Variants in WDR87 observed in about 807,000 individuals in gnomAD.
The protein encoded by WDR87 is WD repeat domain 87.
In WDR87, 56 loss-of-function variants were observed where a neutral mutation model predicts 83.3. That is an observed-to-expected ratio of 0.67 (90% confidence interval 0.54 to 0.84). The LOEUF (loss-of-function observed/expected upper bound fraction) is 0.84. WDR87 is among the 40% of genes least tolerant of loss of function. The pLI is 0.00. For synonymous variants in WDR87, 1,173 were observed against 1,250.6 expected (o/e 0.94, Z 1.31); for missense variants, 2,939 against 3,431.9 (o/e 0.86, Z 3.59).
rs754504059 is a variant in WDR87 at position 37,895,080 on chromosome 19, C to T, written c.623G>A (p.Gly208Asp). The stretch of plus-strand genomic sequence containing the variant: ...CGTCTCACACAGGGCCAGGAGGGAG[C>T]CACTGGGACCATTCAGCACGATGTC... ...VQDIVLNGPSGSLLALCETVV... is the reference protein window; with the variant it reads ...VQDIVLNGPSDSLLALCETVV... Residue 208 changes from glycine to aspartate, a missense_variant, in exon 4 of 6, where the codon GGC becomes GAC. Gly to Asp is a moderately conservative substitution (Grantham distance 94, BLOSUM62 -1). Around this residue, in one of 3 missense-constraint regions of WDR87, gnomAD observed 226 missense variants for 320.9 expected, o/e 0.70. Transcript: ENST00000447313. 1.9e-6 allele frequency: 3 copies of T among 1,551,738 alleles called. No homozygotes were observed. The highest frequency in any genetic ancestry group is 1.2e-5 in the South Asian group (1 of 84,064).
chr19:37,886,362 G>C lies in WDR87; in HGVS notation c.7309C>G (p.Leu2437Val). The change falls in exon 6 of 6, where the codon CTG (leucine) becomes GTG (valine). Residue 2437 changes from leucine (L) to valine (V), a missense_variant. By Grantham distance (32) the Leu-to-Val change is conservative (BLOSUM62 1). Around this residue, in one of 3 missense-constraint regions of WDR87, gnomAD observed 2,160 missense variants for 2,533.1 expected, o/e 0.85. Transcript: ENST00000447313. ...ACTGGTGTTTTCTCTTTCATCTCCA[G>C]AGCTGTTGACATCAGTTTCTTCAAA... ...SPLKKLMSTA[L>V]EMKEKTPVPV... 6.5e-7 allele frequency: 1 copy of C among 1,550,224 alleles called. No homozygotes were observed. Among genetic ancestry groups the C allele is most frequent in the East Asian group, 2.4e-5 (1 of 40,914 alleles).
chr19:37,890,207 C>A lies in WDR87; in HGVS notation c.3464G>T (p.Gly1155Val). Residue 1155 changes from glycine to valine, a missense_variant, in exon 6 of 6, where the codon GGC (glycine) becomes GTC (valine). Physicochemically the swap from Gly to Val is moderately radical, Grantham distance 109. Transcript: ENST00000447313. ...RDSKQMSTEP[G>V]LLEDESGTEA... is the part of the protein sequence containing the mutation. ...AGTCCCACTTTCATCCTCTAAGAGG[C>A]CTGGCTCTGTGCTCATCTGTTTAGA... 1 of 1,551,742 alleles carries A rather than the reference C, an allele frequency of 6.4e-7. No individual in the cohort carries two copies. Among genetic ancestry groups the A allele is most frequent in the Non-Finnish European group, 8.7e-7 (1 of 1,147,004 alleles).
chr19:37,906,686 G>A (rs539217198), upstream of WDR87: 1 of 151,004 alleles, frequency 6.6e-6, no homozygotes, highest in Admixed American at 6.6e-5. Flanking sequence ...GTGCGCATGG[G>A]CGCGCGCCCG....
In WDR87 at chr19:37,889,450, T is replaced by C. The variant is rs375024170; in HGVS notation, c.4221A>G (p.Lys1407=). The C allele has an allele frequency of 2.0e-4, 304 of 1,551,884 alleles. 2 individuals are homozygous for C. The South Asian group carries it at 3.4e-3, about 17-fold the overall frequency. ...LGLEETQVIL[K]KGKKVIFLEP... is the part of the protein sequence containing the mutation. ...CTAAAAAAATAACTTTCTTGCCCTT[T>C]TTCAAAATCACTTGGGTTTCCTCCA... Residue 1407 remains lysine, a synonymous_variant, in exon 6 of 6, where the codon AAA becomes AAG. Transcript: ENST00000447313.
rs1291279909 is a variant in WDR87 at position 37,891,652 on chromosome 19, A to C, written c.3294T>G (p.Leu1098=). The C allele has an allele frequency of 1.3e-6, 2 of 1,551,846 alleles. No individual in the cohort carries two copies. The highest frequency in any genetic ancestry group is 2.4e-5 in the South Asian group (2 of 84,058). ...CTGTAGGAGGTTTCAGGGAGGATTT[A>C]AGTTCAGAAGGCATTGAGACATCTA... The part of the protein sequence containing the change: ...FSLDVSMPSE[L]KSSLKPPTVS... Residue 1098 remains leucine, a synonymous_variant, in exon 5 of 6, where the codon CTT becomes CTG. Coordinates refer to ENST00000447313, the MANE Select transcript of WDR87 (RefSeq NM_001291088.2).
At chr19:37,904,048 G>A (rs1485463322) in intron 1 of WDR87, among the ~76,000 whole-genome samples, 9 of 150,886 alleles carry the variant, frequency 6.0e-5, no homozygotes, top group Admixed American at 5.3e-4. Context: ...AGCTACAGGC[G>A]CCCGCCACCA....
chr19:37,884,858 G>A lies in WDR87; in HGVS notation c.*74C>T. The stretch of plus-strand genomic sequence containing the variant: ...AAAAAAAAAAGAGAGAGAGAGAGAT[G>A]AAGGTCTAGATCCTGGTAATTAGGC... On this transcript the variant is annotated 3_prime_UTR_variant, in exon 6 of 6. Coordinates refer to ENST00000447313, the MANE Select transcript of WDR87 (RefSeq NM_001291088.2). 9.1e-6 allele frequency: 10 copies of A among 1,097,182 alleles called. No individual in the cohort carries two copies. Among genetic ancestry groups the A allele is most frequent in the Non-Finnish European group, 1.2e-5 (10 of 848,362 alleles). 68.0% of individuals were successfully genotyped at this position (1,097,182 alleles called of 1,614,324 possible). A position where few individuals can be genotyped will look rare whatever the true frequency, so the allele number is the denominator to read the frequency against.
rs1394432762 is a variant in WDR87 at position 37,888,376 on chromosome 19, T to C, written c.5295A>G (p.Glu1765=). The C allele has an allele frequency of 6.4e-7, 1 of 1,552,026 alleles. No homozygotes were observed. Among genetic ancestry groups the C allele is most frequent in the Non-Finnish European group, 8.7e-7 (1 of 1,147,084 alleles). The change falls in exon 6 of 6, where the codon GAA becomes GAG. Residue 1765 remains glutamate (E), a synonymous_variant. Transcript: ENST00000447313. ...QELEELEWDM[E]ELSWKEEELN... is the part of the protein sequence containing the mutation. Reference sequence around the variant, plus strand: ...GTTCCTCTTCTTTCCAAGACAGTTCTTCCATGTCCCATTCCAGTTCCTCCA... The same window carrying C: ...GTTCCTCTTCTTTCCAAGACAGTTCCTCCATGTCCCATTCCAGTTCCTCCA...
intron 1 of WDR87, among the ~76,000 whole-genome samples, chr19:37,904,258 G>T (rs2046309928): frequency 6.6e-6 from 1 of 151,836 alleles, no homozygotes; most frequent in Non-Finnish European, 1.5e-5. Flanking sequence ...CTAAGGAGCA[G>T]GTAAGGGAAA....
chr19:37,904,337 GTCTT>G (rs928828249), intron 1 of WDR87, among the ~76,000 whole-genome samples: 1 of 150,322 alleles, frequency 6.7e-6, no homozygotes, highest in African/African-American at 2.4e-5. Flanking sequence ...CTCTGGTTGT[GTCTT>G]TCTTTTGTGT....
At chr19:37,897,481 A>G (rs2046265335) in intron 2 of WDR87, among the ~76,000 whole-genome samples, 1 of 151,942 alleles carries the variant, frequency 6.6e-6, no homozygotes, top group Non-Finnish European at 1.5e-5. Flanking sequence ...AAGTGCTGAC[A>G]TTACAGGCAT....
rs748640846 is a variant in WDR87 at position 37,898,221 on chromosome 19, T to G, written c.19A>C (p.Ile7Leu). ...AGTTTTAAATCTTTCCACAGGGGAA[T>G]GAGCCTGGGGGAAGACATCACCGTC... Reference protein sequence around the residue: MSSPRLIPLWKDLKLLL... With the variant: MSSPRLLPLWKDLKLLL... Residue 7 changes from isoleucine (I) to leucine (L), a missense_variant, in exon 2 of 6, where the codon ATT becomes CTT. By Grantham distance (5) the Ile-to-Leu change is conservative (BLOSUM62 2). Transcript: ENST00000447313. 4.5e-6 allele frequency: 7 copies of G among 1,551,576 alleles called. No homozygotes were observed. The highest frequency in any genetic ancestry group is 8.7e-7 in the Non-Finnish European group (1 of 1,146,980).
At position 37,884,877 on chromosome 19, in the gene WDR87, A is replaced by C. The variant is rs1042810310; in HGVS notation, c.*55T>G. The C allele has an allele frequency of 5.1e-5, 64 of 1,256,006 alleles. No individual in the cohort carries two copies. Among genetic ancestry groups the C allele is most frequent in the Non-Finnish European group, 6.4e-5 (63 of 988,210 alleles). 77.8% of individuals were successfully genotyped at this position (1,256,006 alleles called of 1,614,324 possible). ...AGAGATGAAGGTCTAGATCCTGGTA[A>C]TTAGGCCTTTCTCCAGTTGGCAATG... On this transcript the variant is annotated 3_prime_UTR_variant, in exon 6 of 6. Transcript: ENST00000447313.
Position 37,888,815 on chromosome 19 carries a change from T to C in WDR87, c.4856A>G (p.Lys1619Arg). The change falls in exon 6 of 6, where the codon AAA becomes AGA. Residue 1619 changes from lysine to arginine, a missense_variant. By Grantham distance (26) the Lys-to-Arg change is conservative (BLOSUM62 2). Around this residue, in one of 3 missense-constraint regions of WDR87, gnomAD observed 2,160 missense variants for 2,533.1 expected, o/e 0.85. Coordinates refer to ENST00000447313, the MANE Select transcript of WDR87 (RefSeq NM_001291088.2). The stretch of plus-strand genomic sequence containing the variant: ...TCGTTTTTTTTCAGCTCGGGCTCGT[T>C]TCCTGTGTATTCTGGCCCATTTGTG... ...EEHKWARIHR[K>R]RARAEKKRAQ... is the part of the protein sequence containing the mutation. 6.4e-7 allele frequency: 1 copy of C among 1,551,810 alleles called. No individual in the cohort carries two copies. Among genetic ancestry groups the C allele is most frequent in the Non-Finnish European group, 8.7e-7 (1 of 1,147,020 alleles).
rs1464979707 is a variant in WDR87, at chr19:37,893,491, G to A, written c.2212C>T (p.Arg738Trp). 47 of 1,551,738 alleles carry A rather than the reference G, an allele frequency of 3.0e-5. No homozygotes were observed. The highest frequency in any genetic ancestry group is 4.1e-5 in the African/African-American group (3 of 73,034). Residue 738 changes from arginine (R) to tryptophan (W), a missense_variant, in exon 4 of 6, where the codon CGG becomes TGG. This residue lies in a region of WDR87 where 2,160 missense variants were observed against 2,533.1 expected (regional missense o/e 0.85). Coordinates refer to ENST00000447313, the MANE Select transcript of WDR87 (RefSeq NM_001291088.2). ...LVGLEKLVNNRAIAFDHSVPH... is the reference protein window; with the variant it reads ...LVGLEKLVNNWAIAFDHSVPH... ...ACAGAATGGTCAAAGGCAATGGCCCGGTTGTTGACAAGTTTCTCCAGACCC... is the reference window on the plus strand; with the variant it reads ...ACAGAATGGTCAAAGGCAATGGCCCAGTTGTTGACAAGTTTCTCCAGACCC...
At chr19:37,898,562 C>A (rs998233385) in intron 1 of WDR87, among the ~76,000 whole-genome samples, 9 of 152,116 alleles carry the variant, frequency 5.9e-5, no homozygotes, top group African/African-American at 2.2e-4. Flanking sequence ...GTGAGAGAAC[C>A]AGAGAAACCG....
At position 37,887,709 on chromosome 19, in the gene WDR87, G is replaced by GT; in HGVS notation, c.5961dup (p.Arg1988ThrfsTer10). 6.4e-7 allele frequency: 1 copy of GT among 1,552,042 alleles called. No homozygotes were observed. Among genetic ancestry groups the GT allele is most frequent in the Non-Finnish European group, 8.7e-7 (1 of 1,147,108 alleles). On this transcript the variant is annotated frameshift_variant, in exon 6 of 6. Transcript: ENST00000447313. LOFTEE classifies it low-confidence loss of function (END_TRUNC). ...GCAATATCCAACTCTCCTCTGAGCCGTTTCTTTCCTTGGACCATTGCCTTC... is the reference window on the plus strand; with the variant it reads ...GCAATATCCAACTCTCCTCTGAGCCGTTTTCTTTCCTTGGACCATTGCCTTC...
chr19:37,906,622 T>C (rs1254151417), upstream of WDR87: 4 of 151,684 alleles, frequency 2.6e-5, no homozygotes, highest in African/African-American at 9.7e-5. Flanking sequence ...ACAGAACGGT[T>C]GGCCCCCAAC....
At position 37,889,001 on chromosome 19, in the gene WDR87, C is replaced by T; in HGVS notation, c.4670G>A (p.Trp1557Ter). The T allele has an allele frequency of 6.4e-7, 1 of 1,552,032 alleles. No individual in the cohort carries two copies. The highest frequency in any genetic ancestry group is 8.7e-7 in the Non-Finnish European group (1 of 1,147,068). ...EMLQEDKKLK[W>*]EEWKQVWENM... Reference sequence around the variant, plus strand: ...TTCCCAGACTTGTTTCCACTCCTCCCATTTCAGCTTCTTGTCCTCCTGAAG... The same window carrying T: ...TTCCCAGACTTGTTTCCACTCCTCCTATTTCAGCTTCTTGTCCTCCTGAAG... The change falls in exon 6 of 6, where the codon TGG becomes TAG. Residue 1557 changes from tryptophan to a stop codon, truncating the protein, a stop_gained. Transcript: ENST00000447313. LOFTEE classifies it low-confidence loss of function (END_TRUNC).
Sources: allele counts gnomAD v4.1 joint callset (sites outside exome capture counted in the v4.1 genomes callset), GRCh38; gene constraint gnomAD v4.1.1; regional missense constraint gnomAD v4.1.1; transcripts MANE v1.5; gene names NCBI Gene and HGNC (gene_info 2026-07-23, HGNC 2026-07-21).